MAPK8IP3: variants seen among roughly 807,000 people sequenced by gnomAD.
MAPK8IP3 encodes C-Jun-amino-terminal kinase-interacting protein 3.
In MAPK8IP3, 49 loss-of-function variants were observed where a neutral mutation model predicts 157.8. That is an observed-to-expected ratio of 0.31 (90% CI 0.25 to 0.39). MAPK8IP3 has a LOEUF of 0.39. Among genes scored for constraint, MAPK8IP3 ranks in the 10% least tolerant of loss-of-function variants. MAPK8IP3 has a pLI of 1.00. For missense variants in MAPK8IP3, 1,478 were observed against 1,889.4 expected (o/e 0.78, Z 4.04); for synonymous variants, 897 against 777.7 (o/e 1.15, Z -2.55).
intron 4 of MAPK8IP3, among the ~76,000 whole-genome samples, chr16:1,730,164 G>C (rs1449325088): frequency 2.0e-5 from 3 of 152,044 alleles, no homozygotes; most frequent in Non-Finnish European, 4.4e-5. Context: ...AGGAGGCTGA[G>C]AGAGGAGGAT....
In MAPK8IP3 at chr16:1,766,309, C is replaced by T; in HGVS notation, c.2719C>T (p.Pro907Ser). The T allele has an allele frequency of 1.2e-6, 2 of 1,612,704 alleles. No individual in the cohort carries two copies. Among genetic ancestry groups the T allele is most frequent in the Non-Finnish European group, 1.7e-6 (2 of 1,179,990 alleles). Residue 907 changes from proline (P) to serine (S), a missense_variant, in exon 22 of 32, where the codon CCC (proline) becomes TCC (serine). By Grantham distance (74) the Pro-to-Ser change is moderately conservative. Transcript: ENST00000610761. The stretch of plus-strand genomic sequence containing the variant: ...GGCCACGGAGGTGCCAGACCCTGGG[C>T]CCAGCGAGCCAGAGACAGCCACATT... ...TEATEVPDPG[P>S]SEPETATLRP...
intron 4 of MAPK8IP3, among the ~76,000 whole-genome samples, chr16:1,738,181 C>CATCG (rs2040201846): frequency 1.4e-5 from 1 of 72,848 alleles, no homozygotes; most frequent in Non-Finnish European, 2.5e-5. Flanking sequence ...TCCGTGTGAG[C>CATCG]GTCCGTGAGC....
chr16:1,753,505 A>G (rs1478327284), intron 8 of MAPK8IP3, among the ~76,000 whole-genome samples: 1 of 151,632 alleles, frequency 6.6e-6, no homozygotes, highest in African/African-American at 2.4e-5. Context: ...CAGTGACACG[A>G]TATCAGCTCA....
rs562180678 is a variant in MAPK8IP3 at position 1,742,688 on chromosome 16, G to A, written c.603-644G>A. ...GGCAGGGCTGGCAGTAACACCACAG[G>A]GAGGCAGGGCTGGGCACACATAAGA... On this transcript the variant is annotated intron_variant, in intron 4 of 31. Transcript: ENST00000610761. The surrounding 1 kb of genome is among the most constrained non-coding windows in gnomAD (Gnocchi z 5.0). Among the ~76,000 whole-genome samples, 24 of 152,242 alleles carry A rather than the reference G, an allele frequency of 1.6e-4. No individual in the cohort carries two copies. In the South Asian group the frequency reaches 2.5e-3, roughly 16 times the overall value.
chr16:1,712,350 C>T (rs1008702389), intron 1 of MAPK8IP3, among the ~76,000 whole-genome samples: 7 of 152,064 alleles, frequency 4.6e-5, no homozygotes, highest in Admixed American at 2.6e-4. Context: ...CATGAGCCAT[C>T]GCGCCCGGCC....
rs748227188 is a variant in MAPK8IP3, at chr16:1,767,636, G to C, written c.3310G>C (p.Val1104Leu). ...QLAWIGDGVW[V>L]SIRLDSTLRL... is the part of the protein sequence containing the mutation. ...GGCGTGGATCGGCGATGGCGTATGG[G>C]TGTCCATCCGCCTGGACTCCACCCT... The change falls in exon 27 of 32, where the codon GTG becomes CTG. Residue 1104 changes from valine (V) to leucine (L), a missense_variant. Physicochemically the swap from Val to Leu is conservative, Grantham distance 32. Transcript: ENST00000610761. 2 of 1,612,506 alleles carry C rather than the reference G, an allele frequency of 1.2e-6. No homozygotes were observed. Among genetic ancestry groups the C allele is most frequent in the African/African-American group, 2.7e-5 (2 of 74,910 alleles).
intron 8 of MAPK8IP3, among the ~76,000 whole-genome samples, chr16:1,757,331 C>T (rs1381159060): frequency 2.6e-5 from 4 of 152,172 alleles, no homozygotes; most frequent in Non-Finnish European, 5.9e-5. Flanking sequence ...GTCTCAATCT[C>T]CTGACCTTGT....
At chr16:1,757,727 C>T (rs1035458503) in intron 8 of MAPK8IP3, among the ~76,000 whole-genome samples, 21 of 152,228 alleles carry the variant, frequency 1.4e-4, no homozygotes, top group African/African-American at 4.8e-4. Context: ...CCTGCGTCTG[C>T]GGTGTCTCCC....
intron 1 of MAPK8IP3, among the ~76,000 whole-genome samples, chr16:1,716,855 C>T (rs1462802133): frequency 6.6e-6 from 1 of 152,078 alleles, no homozygotes; most frequent in African/African-American, 2.4e-5. Context: ...TCAAGGAGAT[C>T]GAGACCATCC....
rs1359977182 is a variant in MAPK8IP3 at position 1,768,975 on chromosome 16, G to A, written c.*151G>A. On this transcript the variant is annotated 3_prime_UTR_variant, in exon 32 of 32. Coordinates refer to ENST00000610761, the MANE Select transcript of MAPK8IP3 (RefSeq NM_001318852.2). The stretch of plus-strand genomic sequence containing the variant: ...CTGAGTCTGGCCCCTCCAGCGGGCA[G>A]GGAGTGCGGGGATGCGGATCAGCTG... The A allele has an allele frequency of 7.1e-6, 6 of 845,946 alleles. No homozygotes were observed. The highest frequency in any genetic ancestry group is 2.6e-5 in the Admixed American group (1 of 38,620). 52.4% of individuals were successfully genotyped at this position (845,946 alleles called of 1,614,324 possible).
intron 11 of MAPK8IP3, 89 bp downstream of exon 11, chr16:1,760,104 G>A (rs1007340828): frequency 7.0e-7 from 1 of 1,427,800 alleles, no homozygotes. Context: ...GGCGCCTTGG[G>A]GAGCACCTGG....
chr16:1,745,587 G>C (rs1299055985), intron 5 of MAPK8IP3: 1 of 152,382 alleles, frequency 6.6e-6, no homozygotes, highest in Non-Finnish European at 1.5e-5. Flanking sequence ...TCATCTTTTG[G>C]GGCTGGACAT....
chr16:1,743,388 G>A lies in MAPK8IP3; in HGVS notation c.659G>A (p.Arg220His), dbSNP rs201393775. ...TTCCCCCTGGCTGACGGCACGGTAC[G>A]TGCACAGATCGGGGGCAAGCTCGTG... Reference protein sequence around the residue: ...NVFPLADGTVRAQIGGKLVPA... With the variant: ...NVFPLADGTVHAQIGGKLVPA... Residue 220 changes from arginine to histidine, a missense_variant, in exon 5 of 32, where the codon CGT (arginine) becomes CAT (histidine). By Grantham distance (29) the Arg-to-His change is conservative. This residue lies in a region of MAPK8IP3 where 315 missense variants were observed against 394.4 expected (regional missense o/e 0.80). Coordinates refer to ENST00000610761, the MANE Select transcript of MAPK8IP3 (RefSeq NM_001318852.2). This position sits in a 1 kb window ranked among gnomAD's most constrained non-coding sequence, Gnocchi z 5.6. 12 of 1,608,150 alleles carry A rather than the reference G, an allele frequency of 7.5e-6. No homozygotes were observed. Among genetic ancestry groups the A allele is most frequent in the South Asian group, 1.1e-5 (1 of 90,284 alleles).
intron 4 of MAPK8IP3, among the ~76,000 whole-genome samples, chr16:1,737,431 AGTGTGTGAGCG>A (rs2040056325): frequency 1.3e-5 from 1 of 79,216 alleles, no homozygotes. Context: ...CGTCCGTGTG[AGTGTGTGAGCG>A]TCCGTGTGAG....
rs976333610 is a variant in MAPK8IP3 at position 1,741,526 on chromosome 16, C to T, written c.603-1806C>T. On this transcript the variant is annotated intron_variant, in intron 4 of 31. Coordinates refer to ENST00000610761, the MANE Select transcript of MAPK8IP3 (RefSeq NM_001318852.2). The surrounding 1 kb of genome is among the most constrained non-coding windows in gnomAD (Gnocchi z 6.9). Reference sequence around the variant, plus strand: ...TGTAGCATCTGGTGACAGCCAGGACCGCATCGGCTTCGGTCTAGGGACTGA... The same window carrying T: ...TGTAGCATCTGGTGACAGCCAGGACTGCATCGGCTTCGGTCTAGGGACTGA... 7.9e-5 allele frequency among the ~76,000 whole-genome samples: 12 copies of T among 152,132 alleles called. No individual in the cohort carries two copies. Among genetic ancestry groups the T allele is most frequent in the African/African-American group, 2.2e-4 (9 of 41,420 alleles).
At chr16:1,729,444 G>A in intron 3 of MAPK8IP3, 43 bp from the exon 4 acceptor site, 1 of 1,517,168 alleles carries the variant, frequency 6.6e-7, no homozygotes, top group Non-Finnish European at 8.9e-7. Flanking sequence ...GACGGAGACA[G>A]CCCCCCACGG....
intron 4 of MAPK8IP3, among the ~76,000 whole-genome samples, chr16:1,733,904 ACTT>A (rs1400837827): frequency 3.3e-5 from 5 of 152,238 alleles, no homozygotes; most frequent in East Asian, 1.9e-4. Flanking sequence ...CCAGCCATTC[ACTT>A]CTTCTGGGCA....
intron 5 of MAPK8IP3, chr16:1,744,434 G>T: frequency 1.0e-6 from 1 of 985,924 alleles, no homozygotes; most frequent in African/African-American, 1.7e-5. Context: ...TGCTCCGTCA[G>T]CCCACCTGCT....
intron 1 of MAPK8IP3, among the ~76,000 whole-genome samples, chr16:1,708,688 A>C (rs2037559215): frequency 1.3e-5 from 2 of 151,968 alleles, no homozygotes; most frequent in African/African-American, 4.8e-5. Flanking sequence ...TCTGAGACCC[A>C]CCATTGCCCC....
Sources: allele counts gnomAD v4.1 joint callset (sites outside exome capture counted in the v4.1 genomes callset), GRCh38; gene constraint gnomAD v4.1.1; regional missense constraint gnomAD v4.1.1; non-coding constraint Gnocchi (gnomAD v3.1); transcripts MANE v1.5; gene names NCBI Gene and HGNC (gene_info 2026-07-23, HGNC 2026-07-21).